The following PCBP3 variants were observed in gnomAD, a reference collection of about 807,000 sequenced individuals.
PCBP3 encodes the protein poly(rC)-binding protein 3.
PCBP3 carries 25 observed loss-of-function variants against 52.7 expected under a neutral mutation model. That is an observed-to-expected ratio of 0.47 (90% CI 0.35 to 0.66). The LOEUF is 0.66. PCBP3 is among the 30% of genes least tolerant of loss of function. The pLI is 0.01. For missense variants in PCBP3, 391 were observed against 490.3 expected, an observed-to-expected ratio of 0.80 and a Z score of 1.91; for synonymous variants, 162 against 183.0, an observed-to-expected ratio of 0.89 and a Z score of 0.93.
chr21:45,773,577 A>G (rs1036241958), intron 4 of PCBP3, among the ~76,000 whole-genome samples: 2 of 152,100 alleles, frequency 1.3e-5, no homozygotes, highest in African/African-American at 2.4e-5. Flanking sequence ...TGGGTTCTCT[A>G]TTCTGCTCCA....
intron 5 of PCBP3, among the ~76,000 whole-genome samples, chr21:45,877,471 G>T (rs150863773): frequency 6.6e-6 from 1 of 152,126 alleles, no homozygotes; most frequent in East Asian, 1.9e-4. Flanking sequence ...AATTTATAGT[G>T]GTACCAGTTT....
intron 4 of PCBP3, among the ~76,000 whole-genome samples, chr21:45,798,122 G>A (rs2092088708): frequency 2.0e-5 from 3 of 146,642 alleles, no homozygotes; most frequent in Admixed American, 2.0e-4. Context: ...ATGGACAGAT[G>A]CATGTATCCA....
intron 1 of PCBP3, among the ~76,000 whole-genome samples, chr21:45,651,859 G>A (rs2097225635): frequency 6.6e-6 from 1 of 152,162 alleles, no homozygotes; most frequent in Non-Finnish European, 1.5e-5. Context: ...ATCTGTTTCT[G>A]TAACTCACCA....
intron 5 of PCBP3, 55 bp from the exon 6 acceptor site, chr21:45,896,153 A>T (rs1372829924): frequency 5.9e-6 from 9 of 1,516,652 alleles, no homozygotes; most frequent in South Asian, 3.6e-5. Flanking sequence ...ACACCCCTGG[A>T]TGTGCGTGGT....
chr21:45,755,337 GT>G (rs1199659401), intron 3 of PCBP3, among the ~76,000 whole-genome samples, 79 bp from the exon 4 acceptor site: 2 of 152,200 alleles, frequency 1.3e-5, no homozygotes, highest in Non-Finnish European at 2.9e-5. Context: ...GAGATTTACA[GT>G]TTTAGAGATT....
chr21:45,728,323 T>G (rs725358), intron 2 of PCBP3, among the ~76,000 whole-genome samples: 29,962 of 152,176 alleles, frequency 0.2, 3,199 homozygotes, highest in Middle Eastern at 0.34. Context: ...GTCAAATGTT[T>G]TCTCTGTATC....
intron 4 of PCBP3, among the ~76,000 whole-genome samples, chr21:45,775,374 T>C (rs1467813998): frequency 6.6e-6 from 1 of 151,902 alleles, no homozygotes; most frequent in African/African-American, 2.4e-5. Flanking sequence ...TGCCTCCTTA[T>C]TCATTTCTGA....
intron 4 of PCBP3, among the ~76,000 whole-genome samples, chr21:45,769,825 C>T (rs568592708): frequency 3.9e-5 from 6 of 152,316 alleles, no homozygotes; most frequent in Admixed American, 1.3e-4. Flanking sequence ...AGAAATGTGA[C>T]GTGACATATT....
chr21:45,806,915 T>C (rs1438094708), intron 4 of PCBP3, among the ~76,000 whole-genome samples: 1 of 152,240 alleles, frequency 6.6e-6, no homozygotes, highest in African/African-American at 2.4e-5. Flanking sequence ...GGCTCCTGTA[T>C]GCAGCACTCA....
rs557601703 is a variant in PCBP3, at chr21:45,931,068, C to T, written c.856+223C>T. ...AGCAGGGCACCCCGGCCATGGGAGG[C>T]GGCCGTGGGAGCAGGAAATAGAGGT... On this transcript the variant is annotated intron_variant, in intron 15 of 17. Transcript: ENST00000681687. Among the ~76,000 whole-genome samples, 24 of 152,260 alleles carry T rather than the reference C, an allele frequency of 1.6e-4. No individual in the cohort carries two copies. In the East Asian group the frequency reaches 3.1e-3, roughly 20 times the overall value.
chr21:45,694,888 C>T (rs1020505202), intron 2 of PCBP3, among the ~76,000 whole-genome samples: 1 of 152,160 alleles, frequency 6.6e-6, no homozygotes, highest in Non-Finnish European at 1.5e-5. Context: ...TCCCAAACTG[C>T]TCTTTGAAAC....
rs549458175 is a variant in PCBP3, at chr21:45,746,099, C to T, written c.-161-9318C>T. ...GTAGCGCACACGGTGTTGTCAGCAT[C>T]GCTGTGTCAGTCCACTGACGTAGCG... On this transcript the variant is annotated intron_variant, in intron 3 of 17. Coordinates refer to ENST00000681687, the MANE Select transcript of PCBP3 (RefSeq NM_001384156.1). Among the ~76,000 whole-genome samples the T allele has an allele frequency of 4.1e-4, 57 of 137,790 alleles. 9 individuals carry two copies. Among genetic ancestry groups the T allele is most frequent in the African/African-American group, 1.4e-3 (49 of 34,570 alleles). The allele number at this position is 137,790 out of a possible 152,430, so 90.4% of individuals were successfully genotyped here.
intron 5 of PCBP3, 47 bp downstream of exon 5, chr21:45,850,142 G>A (rs543038659): frequency 3.3e-6 from 5 of 1,495,166 alleles, no homozygotes; most frequent in South Asian, 2.4e-5. Flanking sequence ...TACCAAGAGT[G>A]TATATAACAA....
At chr21:45,716,432 CAT>C (rs2084227898) in intron 2 of PCBP3, among the ~76,000 whole-genome samples, 1 of 152,286 alleles carries the variant, frequency 6.6e-6, no homozygotes, top group East Asian at 1.9e-4. Context: ...TGTATTTTCT[CAT>C]AGTTTTAGAA....
At chr21:45,785,506 A>T (rs1397697782) in intron 4 of PCBP3, among the ~76,000 whole-genome samples, 1 of 53,166 alleles carries the variant, frequency 1.9e-5, no homozygotes, top group Non-Finnish European at 3.4e-5. Context: ...CCCGTCCGGG[A>T]GGGGGGGGGG....
intron 5 of PCBP3, among the ~76,000 whole-genome samples, chr21:45,856,330 A>G (rs550378422): frequency 4.3e-4 from 65 of 152,334 alleles, no homozygotes; most frequent in African/African-American, 1.3e-3. Context: ...TATTGATTCC[A>G]GGCCTTCAGA....
chr21:45,855,799 C>T (rs553666144), intron 5 of PCBP3, among the ~76,000 whole-genome samples: 22 of 152,348 alleles, frequency 1.4e-4, no homozygotes, highest in South Asian at 4.1e-4. Flanking sequence ...GCGGGTGGAA[C>T]CCAGGGAGAC....
intron 9 of PCBP3, among the ~76,000 whole-genome samples, chr21:45,905,921 G>A (rs964082335): frequency 1.3e-5 from 2 of 152,234 alleles, no homozygotes; most frequent in Admixed American, 6.5e-5. Flanking sequence ...ATGTTAGGCC[G>A]GGATTCTCGA....
At chr21:45,908,427 A>G (rs1488317560) in intron 9 of PCBP3, among the ~76,000 whole-genome samples, 1 of 152,200 alleles carries the variant, frequency 6.6e-6, no homozygotes, top group Non-Finnish European at 1.5e-5. Flanking sequence ...ACACCATCCT[A>G]TTTCCTTGCT....
Sources: gnomAD v4.1 joint callset for allele counts (sites outside exome capture counted in the v4.1 genomes callset) on GRCh38, gnomAD v4.1.1 for gene constraint, MANE v1.5 for transcripts, NCBI Gene and HGNC (gene_info 2026-07-23, HGNC 2026-07-21) for gene names.